Variants in TMSB15B observed in about 807,000 individuals in gnomAD.
The protein encoded by TMSB15B is thymosin beta 15B.
intron 1 of TMSB15B, chrX:103,928,776 A>T (rs34006779): frequency 4.2e-6 from 5 of 1,183,971 alleles, no homozygotes; most frequent in Non-Finnish European, 5.7e-6. Flanking sequence ...TCACCTGCCT[A>T]GTTCTGTATC....
At chrX:103,945,104 T>C (rs1556326955) in intron 1 of TMSB15B, among the ~76,000 whole-genome samples, 1 of 112,914 alleles carries the variant, frequency 8.9e-6, no homozygotes, top group Non-Finnish European at 1.9e-5. Flanking sequence ...CAGAAATATT[T>C]TGTGGCTGTA....
At chrX:103,952,763 T>A (rs1362098161) in intron 1 of TMSB15B, among the ~76,000 whole-genome samples, 1 of 111,011 alleles carries the variant, frequency 9.0e-6, no homozygotes. Context: ...AATTTTGAGG[T>A]TTGGTCTATG....
intron 1 of TMSB15B, among the ~76,000 whole-genome samples, chrX:103,937,751 T>A (rs1556322384): frequency 1.8e-5 from 2 of 111,820 alleles, no homozygotes; most frequent in African/African-American, 6.5e-5. Context: ...GTTCTTTTAA[T>A]TATGATGTTA....
At chrX:103,923,225 A>G (rs1556318165) in intron 1 of TMSB15B, among the ~76,000 whole-genome samples, 2 of 111,955 alleles carry the variant, frequency 1.8e-5, no homozygotes, top group African/African-American at 6.5e-5. Flanking sequence ...CCATTTGTCA[A>G]TGGATCATTT....
At chrX:103,929,346 C>G (rs1415948568) in intron 1 of TMSB15B, among the ~76,000 whole-genome samples, 1 of 111,875 alleles carries the variant, frequency 8.9e-6, no homozygotes, top group Non-Finnish European at 1.9e-5. Context: ...AAAAGATAAC[C>G]TTACTTAGGC....
intron 1 of TMSB15B, among the ~76,000 whole-genome samples, chrX:103,945,476 C>G (rs1319077620): frequency 8.9e-6 from 1 of 111,849 alleles, no homozygotes; most frequent in Non-Finnish European, 1.9e-5. Flanking sequence ...ATAACCAATT[C>G]AGTCCCACAA....
In TMSB15B at chrX:103,938,270, G is replaced by C. The variant is rs187232256; in HGVS notation, c.-721+18978G>C. ...CTAATATTGAAAGTGGGTTGTTAAA[G>C]TCTCCCACTATTATTGTGTGGGAGT... is the stretch of plus-strand genomic sequence containing the variant. On this transcript the variant is annotated intron_variant, in intron 1 of 3. Coordinates refer to the TMSB15B transcript ENST00000419165. 8.1e-5 allele frequency among the ~76,000 whole-genome samples: 9 copies of C among 111,646 alleles called. No homozygotes were observed. The East Asian group carries it at 2.5e-3, about 31-fold the overall frequency.
rs781961159 is a variant in TMSB15B at position 103,929,906 on chromosome X, T to A, written c.-721+10614T>A. 1.5e-4 allele frequency among the ~76,000 whole-genome samples: 17 copies of A among 110,377 alleles called. No individual in the cohort carries two copies. The East Asian group carries it at 4.3e-3, about 28-fold the overall frequency. On this transcript the variant is annotated intron_variant, in intron 1 of 3. Transcript: ENST00000419165. ...ATTATACTTTAAGTTTTAGGGTACA[T>A]GTGCACAATGTGCAGGTTAGTTACA...
chrX:103,936,817 T>A (rs2074999252), intron 1 of TMSB15B, among the ~76,000 whole-genome samples: 1 of 112,443 alleles, frequency 8.9e-6, no homozygotes, highest in African/African-American at 3.2e-5. Context: ...TTGAGATATG[T>A]TCCATCAATT....
At chrX:103,944,569 T>C (rs1162875005) in intron 1 of TMSB15B, among the ~76,000 whole-genome samples, 2 of 111,377 alleles carry the variant, frequency 1.8e-5, no homozygotes, top group Non-Finnish European at 3.8e-5. Context: ...TTTGGGAAGA[T>C]AGTTTGGGAC....
At chrX:103,944,577 G>A (rs1556326701) in intron 1 of TMSB15B, among the ~76,000 whole-genome samples, 1 of 111,231 alleles carries the variant, frequency 9.0e-6, no homozygotes, top group Non-Finnish European at 1.9e-5. Context: ...GATAGTTTGG[G>A]ACAATATTGT....
chrX:103,943,197 T>G (rs1399146245), intron 1 of TMSB15B, among the ~76,000 whole-genome samples: 1 of 111,645 alleles, frequency 9.0e-6, no homozygotes, highest in Non-Finnish European at 1.9e-5. Flanking sequence ...ATTAAACTAT[T>G]TATTCTCCTT....
At chrX:103,925,092 G>C (rs1157854016) in intron 1 of TMSB15B, among the ~76,000 whole-genome samples, 2 of 111,598 alleles carry the variant, frequency 1.8e-5, no homozygotes, top group Non-Finnish European at 3.8e-5. Flanking sequence ...CTTTTTTTTG[G>C]ATATCTTTTA....
intron 1 of TMSB15B, chrX:103,928,998 G>C (rs2074977254): frequency 8.5e-7 from 1 of 1,173,520 alleles, no homozygotes; most frequent in African/African-American, 1.8e-5. Context: ...CACACTCCAG[G>C]AAAGAGCTGA....
intron 1 of TMSB15B, chrX:103,931,869 G>A (rs2074985742): frequency 9.0e-6 from 1 of 111,640 alleles, no homozygotes; most frequent in African/African-American, 3.3e-5. Context: ...GGGGAGAGGG[G>A]TGGAAGGTTA....
intron 1 of TMSB15B, among the ~76,000 whole-genome samples, chrX:103,944,125 A>G (rs782672593): frequency 4.5e-4 from 50 of 112,011 alleles, no homozygotes; most frequent in Non-Finnish European, 9.4e-5. Flanking sequence ...ACTGGGCAGA[A>G]ATAGGGTGTT....
intron 1 of TMSB15B, chrX:103,928,448 G>A (rs2074975354): frequency 8.3e-7 from 1 of 1,204,042 alleles, no homozygotes; most frequent in African/African-American, 1.7e-5. Context: ...GGACGCCACT[G>A]GGCTGCAGGG....
chrX:103,933,626 A>G (rs1556320324), intron 1 of TMSB15B, among the ~76,000 whole-genome samples: 2 of 111,497 alleles, frequency 1.8e-5, no homozygotes, highest in African/African-American at 6.5e-5. Context: ...TGTTTTACAG[A>G]TGTTTGAACA....
chrX:103,942,601 TC>T (rs782169408), intron 1 of TMSB15B, among the ~76,000 whole-genome samples: 14 of 112,172 alleles, frequency 1.2e-4, no homozygotes, highest in Non-Finnish European at 2.4e-4. Context: ...ACTATTCTTA[TC>T]AATATGCACA....
Sources: gnomAD v4.1 joint callset for allele counts (sites outside exome capture counted in the v4.1 genomes callset) on GRCh38, gnomAD v4.1.1 for gene constraint, MANE v1.5 for transcripts, NCBI Gene and HGNC (gene_info 2026-07-23, HGNC 2026-07-21) for gene names.